WDR7: variants seen among roughly 807,000 people sequenced by gnomAD.
WDR7 encodes WD repeat-containing protein 7.
A neutral mutation model predicts 169.4 loss-of-function variants in WDR7; 46 were observed. The observed-to-expected ratio is 0.27, with a 90% CI of 0.21 to 0.35. The LOEUF (loss-of-function observed/expected upper bound fraction) is 0.35, where lower values mean the gene tolerates loss of function less well. Ranked by LOEUF, WDR7 falls within the 10% of genes least tolerant of loss-of-function variation. The pLI, the probability that WDR7 is intolerant of heterozygous loss-of-function variation, is 1.00. For missense variants in WDR7, 1,534 were observed against 1,859.3 expected (o/e 0.83, Z 3.22); for synonymous variants, 612 against 666.8 (o/e 0.92, Z 1.27).
chr18:56,746,930 C>T (rs1032023498), intron 14 of WDR7, among the ~76,000 whole-genome samples: 17 of 152,148 alleles, frequency 1.1e-4, no homozygotes, highest in Admixed American at 2.0e-4. Context: ...ACCAAGTGTC[C>T]GTTGGGAGTG....
At chr18:56,748,545 G>C (rs962381045) in intron 14 of WDR7, among the ~76,000 whole-genome samples, 1 of 152,042 alleles carries the variant, frequency 6.6e-6, no homozygotes, top group Non-Finnish European at 1.5e-5. Flanking sequence ...ACAACTTACT[G>C]TAATTAAGTG....
At chr18:56,938,792 TGAGA>T (rs2046993877) in intron 24 of WDR7, 110 bp downstream of exon 24, 10 of 1,164,608 alleles carry the variant, frequency 8.6e-6, no homozygotes, top group South Asian at 5.4e-5. Context: ...AGATGAAGGG[TGAGA>T]GAGAAAGAAT....
chr18:56,925,010 A>C (rs2046784160), intron 22 of WDR7, among the ~76,000 whole-genome samples: 1 of 152,150 alleles, frequency 6.6e-6, no homozygotes, highest in Non-Finnish European at 1.5e-5. Context: ...TGCATATCTC[A>C]TATAAACAGA....
chr18:56,887,052 T>C (rs2046206904), intron 21 of WDR7, among the ~76,000 whole-genome samples: 2 of 152,190 alleles, frequency 1.3e-5, no homozygotes, highest in Admixed American at 6.5e-5. Context: ...CTAACTGTGA[T>C]AATTTTATTT....
chr18:56,762,495 T>A (rs553022440), intron 16 of WDR7, among the ~76,000 whole-genome samples: 1 of 151,890 alleles, frequency 6.6e-6, no homozygotes, highest in East Asian at 1.9e-4. Flanking sequence ...GTCAGTTTTG[T>A]TAAGTAGTAC....
chr18:56,937,590 A>T (rs2046977741), intron 23 of WDR7, among the ~76,000 whole-genome samples: 1 of 152,106 alleles, frequency 6.6e-6, no homozygotes, highest in African/African-American at 2.4e-5. Flanking sequence ...AAAGCTTACG[A>T]TTGTATAGGG....
intron 20 of WDR7, among the ~76,000 whole-genome samples, chr18:56,822,248 A>G (rs971853991): frequency 1.3e-5 from 2 of 152,234 alleles, no homozygotes; most frequent in Non-Finnish European, 2.9e-5. Flanking sequence ...TTTCATTACT[A>G]AACTGTCAGT....
chr18:56,922,705 C>A (rs1045144959), intron 21 of WDR7, among the ~76,000 whole-genome samples: 1 of 152,080 alleles, frequency 6.6e-6, no homozygotes, highest in African/African-American at 2.4e-5. Flanking sequence ...TTAAAGGGTT[C>A]CATGACTGAG....
chr18:56,809,271 A>G (rs2044828368), intron 19 of WDR7, among the ~76,000 whole-genome samples: 1 of 151,574 alleles, frequency 6.6e-6, no homozygotes, highest in African/African-American at 2.4e-5. Context: ...TTATTTCCTT[A>G]TTATTCTTTT....
At position 57,027,299 on chromosome 18, in the gene WDR7, G is replaced by A; in HGVS notation, c.*92G>A. On this transcript the variant is annotated 3_prime_UTR_variant, in exon 28 of 28. Coordinates refer to ENST00000254442, the MANE Select transcript of WDR7 (RefSeq NM_015285.3). ...CTTCCTCACACCAGATTGTTCCCAG[G>A]GGCCTGCCCACCCCAGTGCCATCCA... is the stretch of plus-strand genomic sequence containing the variant. 1 of 1,471,688 alleles carries A rather than the reference G, an allele frequency of 6.8e-7. No individual in the cohort carries two copies. The highest frequency in any genetic ancestry group is 9.1e-7 in the Non-Finnish European group (1 of 1,099,558). 91.2% of individuals were successfully genotyped at this position (1,471,688 alleles called of 1,614,324 possible).
chr18:57,026,225 A>T (rs1035523407), intron 27 of WDR7, among the ~76,000 whole-genome samples: 1 of 152,364 alleles, frequency 6.6e-6, no homozygotes, highest in African/African-American at 2.4e-5. Context: ...CATAATTTCC[A>T]TGTTGTTTTT....
chr18:56,969,986 G>C (rs930384561), intron 26 of WDR7, among the ~76,000 whole-genome samples: 5 of 152,110 alleles, frequency 3.3e-5, no homozygotes, highest in African/African-American at 2.4e-5. Context: ...TTGTGGCTTT[G>C]AGCAAGGCAC....
chr18:56,942,134 C>A (rs916690329), intron 25 of WDR7, among the ~76,000 whole-genome samples: 1 of 152,096 alleles, frequency 6.6e-6, no homozygotes, highest in African/African-American at 2.4e-5. Flanking sequence ...GCCCTCTCCC[C>A]GACAAATAGA....
At chr18:56,861,570 A>G (rs1173587765) in intron 20 of WDR7, among the ~76,000 whole-genome samples, 2 of 152,182 alleles carry the variant, frequency 1.3e-5, no homozygotes, top group African/African-American at 2.4e-5. Flanking sequence ...TTGAGCTTCT[A>G]CAACACTGTA....
intron 20 of WDR7, among the ~76,000 whole-genome samples, chr18:56,856,100 G>T (rs1208894875): frequency 6.6e-6 from 1 of 152,134 alleles, no homozygotes; most frequent in East Asian, 1.9e-4. Flanking sequence ...GAGGAGAGGT[G>T]AATAAGACCA....
chr18:56,776,757 T>G, intron 16 of WDR7, 25 bp from the exon 17 acceptor site: 1 of 1,604,872 alleles, frequency 6.2e-7, no homozygotes, highest in Non-Finnish European at 8.5e-7. Flanking sequence ...CTCTCCTCTT[T>G]ACTTCTTCTC....
intron 20 of WDR7, among the ~76,000 whole-genome samples, chr18:56,832,743 G>A (rs1266245556): frequency 1.3e-5 from 2 of 152,178 alleles, no homozygotes; most frequent in Non-Finnish European, 2.9e-5. Flanking sequence ...ACCTACAGAA[G>A]AGGGGCCTGT....
At chr18:56,900,300 G>A (rs954956040) in intron 21 of WDR7, among the ~76,000 whole-genome samples, 1 of 152,032 alleles carries the variant, frequency 6.6e-6, no homozygotes, top group Non-Finnish European at 1.5e-5. Flanking sequence ...TTAAAGCTAT[G>A]TAGTAGTCTC....
At chr18:56,865,084 G>A (rs1219891019) in intron 20 of WDR7, among the ~76,000 whole-genome samples, 1 of 151,924 alleles carries the variant, frequency 6.6e-6, no homozygotes, top group South Asian at 2.1e-4. Context: ...TTTTGAAAAA[G>A]TGATACATGT....
Sources: gnomAD v4.1 joint callset for allele counts (sites outside exome capture counted in the v4.1 genomes callset) on GRCh38, gnomAD v4.1.1 for gene constraint, MANE v1.5 for transcripts, NCBI Gene and HGNC (gene_info 2026-07-23, HGNC 2026-07-21) for gene names.